PPP2R5E: variants seen among roughly 807,000 people sequenced by gnomAD.
PPP2R5E encodes serine/threonine-protein phosphatase 2A 56 kDa regulatory subunit epsilon isoform.
Under a neutral mutation model 65.3 loss-of-function variants are expected in PPP2R5E, and 4 were observed. That is an observed-to-expected ratio of 0.06 (90% CI 0.03 to 0.14). The LOEUF (loss-of-function observed/expected upper bound fraction) is 0.14, where lower values mean the gene tolerates loss of function less well. Among genes scored for constraint, PPP2R5E ranks in the 10% least tolerant of loss-of-function variants. The pLI, the probability that PPP2R5E is intolerant of heterozygous loss-of-function variation, is 1.00. For missense variants in PPP2R5E, 274 were observed against 556.1 expected, an observed-to-expected ratio of 0.49 and a Z score of 5.10; for synonymous variants, 183 against 187.4, an observed-to-expected ratio of 0.98 and a Z score of 0.19.
intron 2 of PPP2R5E, among the ~76,000 whole-genome samples, chr14:63,475,339 G>A (rs1042778859): frequency 5.3e-5 from 8 of 152,184 alleles, no homozygotes; most frequent in African/African-American, 1.7e-4. Flanking sequence ...AATCCGTCAC[G>A]TGAAACCAGA....
intron 3 of PPP2R5E, among the ~76,000 whole-genome samples, chr14:63,422,309 T>C (rs1189580567): frequency 6.6e-6 from 1 of 152,194 alleles, no homozygotes; most frequent in Non-Finnish European, 1.5e-5. Context: ...TCTTGAACAC[T>C]ATTAATCGTC....
chr14:63,407,263 A>G (rs1000860273), intron 5 of PPP2R5E, among the ~76,000 whole-genome samples: 2 of 152,198 alleles, frequency 1.3e-5, no homozygotes, highest in African/African-American at 4.8e-5. Flanking sequence ...CCACCAATCT[A>G]TACTGCTTCC....
rs1275882867 is a variant in PPP2R5E, at chr14:63,391,980, T to C, written c.895A>G (p.Thr299Ala). 1 of 1,611,344 alleles carries C rather than the reference T, an allele frequency of 6.2e-7. No homozygotes were observed. Among genetic ancestry groups the C allele is most frequent in the Admixed American group, 1.7e-5 (1 of 59,694 alleles). ...ATGGAAAAAAGACTTACTGGTTCTG[T>C]GAGTGAAGGATCTTTCTCCAGAAAC... The part of the protein sequence containing the change: ...VQFLEKDPSL[T>A]EPVIRGLMKF... Residue 299 changes from threonine to alanine, a missense_variant, in exon 9 of 14, where the codon ACA becomes GCA. Around this residue, in one of 6 missense-constraint regions of PPP2R5E, gnomAD observed 129 missense variants for 254.9 expected, o/e 0.51. Transcript: ENST00000337537.
At chr14:63,512,592 T>C (rs1474939136) in intron 2 of PPP2R5E, among the ~76,000 whole-genome samples, 1 of 152,202 alleles carries the variant, frequency 6.6e-6, no homozygotes, top group Non-Finnish European at 1.5e-5. Context: ...AATGTTAAGA[T>C]AGAAAGTGAA....
chr14:63,528,268 A>G (rs1893262940), intron 2 of PPP2R5E, among the ~76,000 whole-genome samples: 1 of 152,154 alleles, frequency 6.6e-6, no homozygotes, highest in African/African-American at 2.4e-5. Context: ...ATCAGAGAAC[A>G]TTTGCCCATA....
intron 2 of PPP2R5E, among the ~76,000 whole-genome samples, chr14:63,511,216 T>C (rs1892438887): frequency 1.3e-5 from 2 of 152,210 alleles, no homozygotes; most frequent in Non-Finnish European, 2.9e-5. Context: ...ATTTCAAAAG[T>C]TGTTAAGCAT....
chr14:63,400,172 T>C (rs1885664531), intron 5 of PPP2R5E, among the ~76,000 whole-genome samples: 1 of 152,212 alleles, frequency 6.6e-6, no homozygotes, highest in Non-Finnish European at 1.5e-5. Context: ...GTGTGCTTAT[T>C]AAAAGCCAGC....
chr14:63,424,091 G>C (rs904895439), intron 3 of PPP2R5E, among the ~76,000 whole-genome samples: 1 of 152,192 alleles, frequency 6.6e-6, no homozygotes, highest in Non-Finnish European at 1.5e-5. Context: ...ACGCTGGCTT[G>C]GCAAGGATGG....
Position 63,382,076 on chromosome 14 carries a change from T to C in PPP2R5E, c.1284A>G (p.Thr428=). The change falls in exon 13 of 14, where the codon ACA becomes ACG. Residue 428 remains threonine, a synonymous_variant. Coordinates refer to ENST00000337537, the MANE Select transcript of PPP2R5E (RefSeq NM_006246.5). ...GTTACCGCTGACGATCTGACTTGTA[T>C]GTGGCTGTCAGCTCGTCAAACATGG... ...NSTMFDELTA[T]YKSDRQREKK... The C allele has an allele frequency of 1.9e-6, 3 of 1,613,710 alleles. No homozygotes were observed. Among genetic ancestry groups the C allele is most frequent in the Non-Finnish European group, 2.5e-6 (3 of 1,179,722 alleles).
intron 2 of PPP2R5E, among the ~76,000 whole-genome samples, chr14:63,475,653 TACA>T (rs1469664459): frequency 2.0e-5 from 3 of 152,176 alleles, no homozygotes; most frequent in Non-Finnish European, 4.4e-5. Flanking sequence ...GAGGAAAAAC[TACA>T]AAGGCAAAGA....
chr14:63,396,293 GAGA>G (rs1156754163), intron 6 of PPP2R5E, among the ~76,000 whole-genome samples: 1 of 95,582 alleles, frequency 1.0e-5, no homozygotes. Flanking sequence ...AGGAGGGATA[GAGA>G]AGAAGCAGTG....
In PPP2R5E at chr14:63,475,542, G is replaced by A. The variant is rs114823967; in HGVS notation, c.158-21657C>T. Among the ~76,000 whole-genome samples the A allele has an allele frequency of 5.5e-3, 845 of 152,338 alleles. 10 individuals carry two copies. The highest frequency in any genetic ancestry group is 0.018 in the African/African-American group (758 of 41,580). On this transcript the variant is annotated intron_variant, in intron 2 of 13. Transcript: ENST00000337537. ...TTTCTTAACTTGGGATGGATATCCA[G>A]ATGTTCAATATATCACTGTTTTTTT...
chr14:63,409,705 T>G (rs1004845778), intron 5 of PPP2R5E, among the ~76,000 whole-genome samples: 1 of 152,222 alleles, frequency 6.6e-6, no homozygotes. Context: ...TGTTTAAGAT[T>G]GAAGGCAGGG....
chr14:63,400,273 G>A (rs1434623277), intron 5 of PPP2R5E, among the ~76,000 whole-genome samples: 1 of 152,176 alleles, frequency 6.6e-6, no homozygotes, highest in Non-Finnish European at 1.5e-5. Flanking sequence ...ATACAAACAA[G>A]TAAATAAACA....
chr14:63,489,555 G>A (rs1003120137), intron 2 of PPP2R5E, among the ~76,000 whole-genome samples: 1 of 151,822 alleles, frequency 6.6e-6, no homozygotes, highest in African/African-American at 2.4e-5. Context: ...GACTACCGGT[G>A]CAGACCACCA....
At chr14:63,440,333 A>G (rs1487285085) in intron 3 of PPP2R5E, among the ~76,000 whole-genome samples, 1 of 152,118 alleles carries the variant, frequency 6.6e-6, no homozygotes, top group African/African-American at 2.4e-5. Context: ...CAATTCAAGA[A>G]TAACACAAAG....
chr14:63,421,203 G>A (rs980226415), intron 4 of PPP2R5E, among the ~76,000 whole-genome samples: 27 of 151,376 alleles, frequency 1.8e-4, no homozygotes, highest in African/African-American at 4.9e-4. Context: ...GCTATTTGTC[G>A]AGCAACCTAA....
At chr14:63,398,879 G>A (rs554207537) in intron 5 of PPP2R5E, among the ~76,000 whole-genome samples, 1 of 152,288 alleles carries the variant, frequency 6.6e-6, no homozygotes, top group South Asian at 2.1e-4. Flanking sequence ...AAAAGTGTTG[G>A]CGAGGATATG....
chr14:63,439,593 C>T (rs1407161885), intron 3 of PPP2R5E, among the ~76,000 whole-genome samples: 1 of 152,144 alleles, frequency 6.6e-6, no homozygotes, highest in Non-Finnish European at 1.5e-5. Context: ...AGGCTGGTCT[C>T]GAACTCCGGA....
Sources: allele counts gnomAD v4.1 joint callset (sites outside exome capture counted in the v4.1 genomes callset), GRCh38; gene constraint gnomAD v4.1.1; regional missense constraint gnomAD v4.1.1; transcripts MANE v1.5; gene names NCBI Gene and HGNC (gene_info 2026-07-23, HGNC 2026-07-21).